The following MSRA variants were observed in gnomAD, a reference collection of about 807,000 sequenced individuals.
MSRA encodes the protein mitochondrial peptide methionine sulfoxide reductase.
MSRA carries 54 observed loss-of-function variants against 31.3 expected under a neutral mutation model. That is an observed-to-expected ratio of 1.73 (90% CI 1.39 to 2.17). MSRA has a LOEUF of 2.17. MSRA is among the 30% of genes most tolerant of loss of function. The pLI is 0.00. For synonymous variants in MSRA, 169 were observed against 116.5 expected (o/e 1.45, Z -2.90); for missense variants, 507 against 300.9 (o/e 1.69, Z -5.07).
chr8:10,324,756 A>T (rs1318823531), intron 5 of MSRA, among the ~76,000 whole-genome samples: 2 of 152,182 alleles, frequency 1.3e-5, no homozygotes, highest in African/African-American at 4.8e-5. Context: ...GAGACTGGGG[A>T]GGAAAAGAAG....
chr8:10,169,533 G>T (rs1431954267), intron 1 of MSRA, among the ~76,000 whole-genome samples: 2 of 152,052 alleles, frequency 1.3e-5, no homozygotes, highest in Non-Finnish European at 2.9e-5. Context: ...GAAAACATTG[G>T]CAAAAATCTC....
intron 3 of MSRA, among the ~76,000 whole-genome samples, chr8:10,264,374 G>A (rs1023828923): frequency 2.0e-5 from 3 of 152,172 alleles, no homozygotes; most frequent in African/African-American, 7.2e-5. Flanking sequence ...TAAATTATAT[G>A]CACATAGTTT....
intron 1 of MSRA, among the ~76,000 whole-genome samples, chr8:10,091,699 C>T (rs112445549): frequency 2.6e-4 from 39 of 151,892 alleles, no homozygotes; most frequent in African/African-American, 8.9e-4. Context: ...CTCTGCCTCC[C>T]GGGTTCAAGT....
intron 3 of MSRA, among the ~76,000 whole-genome samples, chr8:10,293,301 CT>C (rs1241331724): frequency 1.3e-5 from 2 of 152,174 alleles, no homozygotes; most frequent in African/African-American, 4.8e-5. Flanking sequence ...TCATGAGCCA[CT>C]TTGTGGCTTT....
At chr8:10,266,397 T>C (rs913034199) in intron 3 of MSRA, among the ~76,000 whole-genome samples, 1 of 152,226 alleles carries the variant, frequency 6.6e-6, no homozygotes, top group Non-Finnish European at 1.5e-5. Flanking sequence ...CTTTCATAAA[T>C]TGTCTGTTCA....
chr8:10,076,351 G>T (rs545498577), intron 1 of MSRA, among the ~76,000 whole-genome samples: 8 of 152,152 alleles, frequency 5.3e-5, no homozygotes, highest in Non-Finnish European at 7.3e-5. Context: ...CAAGAGCTGC[G>T]GTGTATGGCA....
rs551508230 is a variant in MSRA, at chr8:10,231,032, C to G, written c.212-14072C>G. Among the ~76,000 whole-genome samples the G allele has an allele frequency of 3.9e-5, 6 of 152,288 alleles. No individual in the cohort carries two copies. The East Asian group carries it at 9.7e-4, about 25-fold the overall frequency. On this transcript the variant is annotated intron_variant, in intron 2 of 5. Coordinates refer to ENST00000317173, the MANE Select transcript of MSRA (RefSeq NM_012331.5). ...ACTCTTGACCTCAGGTGATTCCCCCCACCTTGGCCTCCCAAAGTGCTGGGA... is the reference window on the plus strand; with the variant it reads ...ACTCTTGACCTCAGGTGATTCCCCCGACCTTGGCCTCCCAAAGTGCTGGGA...
At position 10,237,327 on chromosome 8, in the gene MSRA, A is replaced by T. The variant is rs373587374; in HGVS notation, c.212-7777A>T. 1.3e-3 allele frequency among the ~76,000 whole-genome samples: 202 copies of T among 152,348 alleles called. 1 individual carries two copies. Among genetic ancestry groups the T allele is most frequent in the South Asian group, 2.7e-3 (13 of 4,826 alleles). ...ATCTGGCTACTGTCCGGGGAAAATC[A>T]CTTTTATAGAGATGGGCTTCCAGGT... On this transcript the variant is annotated intron_variant, in intron 2 of 5. Coordinates refer to ENST00000317173, the MANE Select transcript of MSRA (RefSeq NM_012331.5).
chr8:10,130,150 C>G (rs1330830467), intron 1 of MSRA, among the ~76,000 whole-genome samples: 1 of 152,178 alleles, frequency 6.6e-6, no homozygotes, highest in African/African-American at 2.4e-5. Context: ...GACTGTCAGG[C>G]AGTCCCTTAT....
intron 1 of MSRA, among the ~76,000 whole-genome samples, chr8:10,185,088 C>G (rs1046187930): frequency 1.3e-5 from 2 of 152,202 alleles, no homozygotes; most frequent in Admixed American, 1.3e-4. Flanking sequence ...GAAATCCTCT[C>G]TCTCAAGGCT....
chr8:10,330,371 A>G (rs1432963511), intron 5 of MSRA, among the ~76,000 whole-genome samples: 1 of 152,208 alleles, frequency 6.6e-6, no homozygotes, highest in East Asian at 1.9e-4. Flanking sequence ...TGCTATAACC[A>G]TGATAATATA....
intron 5 of MSRA, among the ~76,000 whole-genome samples, chr8:10,351,245 CTTTTTTT>C (rs71203317): frequency 1.9e-3 from 108 of 56,804 alleles, no homozygotes; most frequent in African/African-American, 7.1e-3. Flanking sequence ...CTGAAGGAGA[CTTTTTTT>C]TTTTTTTTTT....
At chr8:10,395,678 G>C (rs546243255) in intron 5 of MSRA, among the ~76,000 whole-genome samples, 4 of 152,240 alleles carry the variant, frequency 2.6e-5, no homozygotes, top group African/African-American at 9.6e-5. Context: ...GAAATGCTGA[G>C]AATGTCTGCA....
Position 10,294,621 on chromosome 8 carries a change from A to G in MSRA, c.332-6913A>G, listed in dbSNP as rs571897263. On this transcript the variant is annotated intron_variant, in intron 3 of 5. Coordinates refer to ENST00000317173, the MANE Select transcript of MSRA (RefSeq NM_012331.5). The stretch of plus-strand genomic sequence containing the variant: ...GGGTGGTGCCCAGCCATCTGTCTAG[A>G]TAGGTATCCTGCTGACTGCAATGTG... Among the ~76,000 whole-genome samples the G allele has an allele frequency of 6.8e-4, 104 of 152,218 alleles. 1 individual carries two copies. The highest frequency in any genetic ancestry group is 2.2e-3 in the African/African-American group (93 of 41,524).
chr8:10,236,425 T>C (rs1811945152), intron 2 of MSRA, among the ~76,000 whole-genome samples: 1 of 152,230 alleles, frequency 6.6e-6, no homozygotes, highest in Non-Finnish European at 1.5e-5. Flanking sequence ...GAAGGTATAC[T>C]AAAATCAGGG....
rs139269219 is a variant in MSRA, at chr8:10,275,586, A to G, written c.332-25948A>G. ...TCAGGTTCTGCTTGAAGTAATTGGA[A>G]CAGTCATAGTAAAAAGCAAGAGATG... On this transcript the variant is annotated intron_variant, in intron 3 of 5. Coordinates refer to ENST00000317173, the MANE Select transcript of MSRA (RefSeq NM_012331.5). Among the ~76,000 whole-genome samples, 807 of 152,282 alleles carry G rather than the reference A, an allele frequency of 5.3e-3. 2 individuals are homozygous for G. Among genetic ancestry groups the G allele is most frequent in the Middle Eastern group, 0.017 (5 of 294 alleles).
intron 5 of MSRA, among the ~76,000 whole-genome samples, chr8:10,423,539 C>T (rs901510158): frequency 3.9e-5 from 6 of 152,236 alleles, no homozygotes; most frequent in African/African-American, 9.6e-5. Flanking sequence ...GCAGAGGAAC[C>T]ATCTGTAACC....
intron 1 of MSRA, among the ~76,000 whole-genome samples, chr8:10,191,827 C>A (rs951473786): frequency 1.3e-5 from 2 of 151,954 alleles, no homozygotes; most frequent in African/African-American, 4.8e-5. Context: ...TATTAGAACA[C>A]ATTACTGTAT....
rs1032621142 is a variant in MSRA, at chr8:10,207,979, C to T, written c.211+78C>T. ...AAATTTCTTAGTTTTAGCAAGTGTT[C>T]TCAGGGCTTCAAAATCTGGGCTCTT... On this transcript the variant is annotated intron_variant, in intron 2 of 5. Transcript: ENST00000317173. 36 of 1,149,928 alleles carry T rather than the reference C, an allele frequency of 3.1e-5. No individual in the cohort carries two copies. In the African/African-American group the frequency reaches 5.0e-4, roughly 16 times the overall value. The allele number at this position is 1,149,928 out of a possible 1,614,324, so 71.2% of individuals were successfully genotyped here. A position where few individuals can be genotyped will look rare whatever the true frequency, so the allele number is the denominator to read the frequency against.
Sources: gnomAD v4.1 joint callset for allele counts (sites outside exome capture counted in the v4.1 genomes callset) on GRCh38, gnomAD v4.1.1 for gene constraint, MANE v1.5 for transcripts, NCBI Gene and HGNC (gene_info 2026-07-23, HGNC 2026-07-21) for gene names.